The following DAB1 variants were observed in gnomAD, a reference collection of about 807,000 sequenced individuals.
DAB1 encodes the protein disabled homolog 1.
In DAB1, 15 loss-of-function variants were observed where a neutral mutation model predicts 64.6. That is an observed-to-expected ratio of 0.23 (90% confidence interval 0.16 to 0.36). The LOEUF is 0.36. Ranked by LOEUF, DAB1 falls within the 10% of genes least tolerant of loss-of-function variation. The pLI, the probability that DAB1 is intolerant of heterozygous loss-of-function variation, is 1.00. For synonymous variants in DAB1, 235 were observed against 251.9 expected (o/e 0.93, Z 0.64); for missense variants, 596 against 706.7 (o/e 0.84, Z 1.78).
intron 7 of DAB1, among the ~76,000 whole-genome samples, chr1:57,582,120 A>G (rs1009221696): frequency 1.3e-5 from 2 of 152,194 alleles, no homozygotes; most frequent in African/African-American, 4.8e-5. Flanking sequence ...CAATGACCTC[A>G]TTTAAAGCTA....
chr1:57,839,274 G>A (rs926841270), intron 1 of DAB1, among the ~76,000 whole-genome samples: 1 of 152,136 alleles, frequency 6.6e-6, no homozygotes, highest in African/African-American at 2.4e-5. Flanking sequence ...TTTAAAAAAT[G>A]GAAATGAAAC....
intron 5 of DAB1, among the ~76,000 whole-genome samples, chr1:58,128,533 C>G (rs1310857019): frequency 7.5e-6 from 1 of 133,322 alleles, no homozygotes; most frequent in Non-Finnish European, 1.6e-5. Context: ...CTGTCTTGTG[C>G]CAGTTTTCAA....
intron 12 of DAB1, among the ~76,000 whole-genome samples, chr1:57,014,048 C>T (rs1646346680): frequency 6.6e-6 from 1 of 152,198 alleles, no homozygotes; most frequent in South Asian, 2.1e-4. Context: ...CAAAAAAACA[C>T]TTAACATGTG....
chr1:57,205,242 C>T (rs1403098944), intron 2 of DAB1, among the ~76,000 whole-genome samples: 1 of 152,198 alleles, frequency 6.6e-6, no homozygotes, highest in Non-Finnish European at 1.5e-5. Context: ...CAAAACATCT[C>T]GGGACATATG....
chr1:57,153,804 AT>A (rs915789263), intron 2 of DAB1, among the ~76,000 whole-genome samples: 1 of 151,598 alleles, frequency 6.6e-6, no homozygotes, highest in Non-Finnish European at 1.5e-5. Flanking sequence ...CACCTGGCTA[AT>A]TTTTTTGTAT....
rs770638777 is a variant in DAB1 at position 57,310,647 on chromosome 1, TAAAAGAAAA to T, written c.-136-19490_-136-19482del. On this transcript the variant is annotated intron_variant, in intron 1 of 14. Transcript: ENST00000371236. ...TTGTGAGGCTCCCTTTCCTCATTTGTAAAAGAAAAAAAAGAAAAATAATAATCTCATTTC... is the reference window on the plus strand; with the variant it reads ...TTGTGAGGCTCCCTTTCCTCATTTGTAAAAGAAAAATAATAATCTCATTTC... 1.2e-4 allele frequency among the ~76,000 whole-genome samples: 18 copies of T among 152,094 alleles called. 2 individuals carry two copies. The South Asian group carries it at 1.5e-3, about 12-fold the overall frequency.
chr1:57,210,349 A>G (rs1487502742), intron 2 of DAB1, among the ~76,000 whole-genome samples: 1 of 152,224 alleles, frequency 6.6e-6, no homozygotes, highest in Non-Finnish European at 1.5e-5. Context: ...TTTCTGTCAT[A>G]TAATTCTTAA....
chr1:57,447,043 C>T (rs868690479), intron 7 of DAB1, among the ~76,000 whole-genome samples: 7 of 152,198 alleles, frequency 4.6e-5, no homozygotes, highest in African/African-American at 1.7e-4. Context: ...CCATGTGAAT[C>T]ACACACTGTG....
At chr1:57,568,635 T>C (rs917886139) in intron 7 of DAB1, among the ~76,000 whole-genome samples, 2 of 152,096 alleles carry the variant, frequency 1.3e-5, no homozygotes, top group Non-Finnish European at 2.9e-5. Flanking sequence ...CAGACATGTC[T>C]CAAAAGAAGA....
At chr1:58,253,863 T>C (rs1660861327) in intron 4 of DAB1, among the ~76,000 whole-genome samples, 1 of 152,194 alleles carries the variant, frequency 6.6e-6, no homozygotes, top group Admixed American at 6.5e-5. Flanking sequence ...GCCATGATAC[T>C]AGGACCTGAG....
In DAB1 at chr1:58,131,150, C is replaced by T. The variant is rs1213595851; in HGVS notation, n.387+19361G>A. ...AGTCCCATATTTCTTGGAGGCTTTG[C>T]TCATTTCTTTTTATTCTTTTTTCTC... On this transcript the variant is annotated intron_variant and non_coding_transcript_variant, in intron 5 of 20. Coordinates refer to the DAB1 transcript ENST00000485760. Among the ~76,000 whole-genome samples the T allele has an allele frequency of 2.0e-5, 3 of 146,962 alleles. No individual in the cohort carries two copies. In the East Asian group the frequency reaches 6.1e-4, roughly 30 times the overall value.
intron 4 of DAB1, among the ~76,000 whole-genome samples, chr1:58,269,498 T>C (rs1380128953): frequency 1.4e-5 from 2 of 146,454 alleles, no homozygotes; most frequent in Non-Finnish European, 3.0e-5. Flanking sequence ...CGCATGTGTC[T>C]TTATAGCAGC....
intron 7 of DAB1, among the ~76,000 whole-genome samples, chr1:57,649,335 A>G (rs925656090): frequency 2.0e-5 from 3 of 152,138 alleles, no homozygotes; most frequent in African/African-American, 7.2e-5. Flanking sequence ...TCCTGATGAC[A>G]TTTTCTAGGT....
intron 3 of DAB1, among the ~76,000 whole-genome samples, chr1:58,502,984 G>C (rs1320438930): frequency 6.6e-6 from 1 of 152,006 alleles, no homozygotes; most frequent in Non-Finnish European, 1.5e-5. Context: ...TGTTTCTCTA[G>C]CCATTTTTCT....
At chr1:57,584,554 G>A (rs990370240) in intron 7 of DAB1, among the ~76,000 whole-genome samples, 17 of 152,068 alleles carry the variant, frequency 1.1e-4, no homozygotes, top group Admixed American at 3.3e-4. Flanking sequence ...ACCTGGGCTC[G>A]GCACCTCTGC....
intron 1 of DAB1, chr1:58,539,412 C>T: frequency 4.7e-6 from 3 of 635,652 alleles, no homozygotes; most frequent in South Asian, 2.0e-5. Flanking sequence ...TCTTCTAACA[C>T]ATCTCAGGCT....
intron 7 of DAB1, chr1:57,606,054 T>C (rs1022651354): frequency 5.1e-6 from 3 of 588,716 alleles, no homozygotes; most frequent in African/African-American, 1.8e-5. Flanking sequence ...AAACTGGTCC[T>C]TTCCCTTTGA....
At chr1:57,464,116 C>T (rs974019186) in intron 7 of DAB1, among the ~76,000 whole-genome samples, 1 of 152,146 alleles carries the variant, frequency 6.6e-6, no homozygotes, top group African/African-American at 2.4e-5. Flanking sequence ...AAATACTGAA[C>T]TAAATGCTCT....
At chr1:57,520,869 G>T (rs577125619) in intron 7 of DAB1, among the ~76,000 whole-genome samples, 2 of 152,100 alleles carry the variant, frequency 1.3e-5, no homozygotes, top group East Asian at 1.9e-4. Context: ...CTAAGTTTTG[G>T]CATAGCCATC....
Sources: allele counts gnomAD v4.1 joint callset (sites outside exome capture counted in the v4.1 genomes callset), GRCh38; gene constraint gnomAD v4.1.1; transcripts MANE v1.5; gene names NCBI Gene and HGNC (gene_info 2026-07-23, HGNC 2026-07-21).